Variants in KRABD4 observed in about 807,000 individuals in gnomAD.
KRABD4 encodes KRAB domain containing 4.
the KRABD4 span, among the ~76,000 whole-genome samples, chrX:46,447,945 A>G: frequency 9.0e-6 from 1 of 111,368 alleles, no homozygotes; most frequent in South Asian, 3.8e-4. Flanking sequence ...GGGCTCATGG[A>G]AGGAAGGCAC....
At chrX:46,467,282 G>A in the KRABD4 span, among the ~76,000 whole-genome samples, 1 of 111,932 alleles carries the variant, frequency 8.9e-6, no homozygotes, top group Non-Finnish European at 1.9e-5. Flanking sequence ...GCCGGGTGTG[G>A]TGCCTCACGC....
chrX:46,452,955 C>A, the KRABD4 span, among the ~76,000 whole-genome samples: 1 of 111,666 alleles, frequency 9.0e-6, no homozygotes. Flanking sequence ...CATTTTTAAC[C>A]ACCATTTGTA....
chrX:46,471,373 CAG>C, the KRABD4 span, among the ~76,000 whole-genome samples: 1 of 111,119 alleles, frequency 9.0e-6, no homozygotes, highest in Non-Finnish European at 1.9e-5. Flanking sequence ...CATCTCTCTA[CAG>C]AGAGTTTCCT....
the KRABD4 span, among the ~76,000 whole-genome samples, chrX:46,460,526 C>G: frequency 1.8e-5 from 2 of 108,719 alleles, no homozygotes; most frequent in African/African-American, 6.8e-5. Flanking sequence ...GTCCACGGAC[C>G]TTTCATGCCC....
chrX:46,473,625 C>CCTG, the KRABD4 span: 2 of 348,222 alleles, frequency 5.7e-6, no homozygotes, highest in Non-Finnish European at 9.8e-6. Flanking sequence ...CTGTCCTGCT[C>CCTG]TTTCCTGCTC....
chrX:46,467,080 T>TA, the KRABD4 span, among the ~76,000 whole-genome samples: 150 of 112,471 alleles, frequency 1.3e-3, no homozygotes, highest in Middle Eastern at 9.2e-3. Flanking sequence ...TGTTCCAGTT[T>TA]ATCTGTCGAT....
At chrX:46,473,619 C>T in the KRABD4 span, 1 of 358,143 alleles carries the variant, frequency 2.8e-6, no homozygotes, top group Non-Finnish European at 4.7e-6. Flanking sequence ...TTTGCACTGT[C>T]CTGCTCTTTC....
At chrX:46,463,465 G>T in the KRABD4 span, 1 of 524,848 alleles carries the variant, frequency 1.9e-6, no homozygotes, top group Non-Finnish European at 3.4e-6. Context: ...CTGCCTGGCC[G>T]CCGGTTACAG....
chrX:46,461,066 C>A, the KRABD4 span, among the ~76,000 whole-genome samples: 1 of 104,003 alleles, frequency 9.6e-6, no homozygotes, highest in Non-Finnish European at 2.0e-5. Flanking sequence ...GGAGACAGGA[C>A]AAAAACCAAA....
chrX:46,464,025 C>T, the KRABD4 span, among the ~76,000 whole-genome samples: 1 of 92,384 alleles, frequency 1.1e-5, no homozygotes, highest in Admixed American at 1.3e-4. Context: ...CTACTCAACT[C>T]TTGTTTTTGT....
the KRABD4 span, chrX:46,472,854 G>A: frequency 5.4e-5 from 65 of 1,209,860 alleles, no homozygotes; most frequent in Non-Finnish European, 7.1e-5. Flanking sequence ...GGATGAAAGC[G>A]GTCAAGAATC....
chrX:46,463,303 G>C, the KRABD4 span: 3 of 1,209,133 alleles, frequency 2.5e-6, no homozygotes, highest in Admixed American at 4.4e-5. Context: ...GGTGAGGACA[G>C]GCCAGGTGAG....
chrX:46,472,890 C>A, the KRABD4 span: 1 of 1,211,792 alleles, frequency 8.3e-7, no homozygotes, highest in East Asian at 3.0e-5. Flanking sequence ...AAGCATTTAT[C>A]TGAGCACAGA....
the KRABD4 span, chrX:46,462,540 G>A: frequency 1.8e-6 from 1 of 549,080 alleles, no homozygotes; most frequent in Non-Finnish European, 2.9e-6. Context: ...AGGCCATTGT[G>A]GGTGTGGGAA....
chrX:46,447,970 A>T, the KRABD4 span, among the ~76,000 whole-genome samples: 1 of 111,529 alleles, frequency 9.0e-6, no homozygotes. Flanking sequence ...TTCTTCAGTG[A>T]ATAAAAGTGG....
At chrX:46,474,133 A>G in the KRABD4 span, 1 of 112,216 alleles carries the variant, frequency 8.9e-6, no homozygotes, top group African/African-American at 3.2e-5. Flanking sequence ...TGCATACACC[A>G]AAAATAAGTT....
At chrX:46,448,776 A>G in the KRABD4 span, 1 of 112,763 alleles carries the variant, frequency 8.9e-6, no homozygotes, top group South Asian at 3.6e-4. Context: ...CTCCTAGCAC[A>G]CCTATTTGTG....
At chrX:46,473,654 TC>T in the KRABD4 span, 3 of 165,225 alleles carry the variant, frequency 1.8e-5, no homozygotes, top group Non-Finnish European at 1.9e-5. Context: ...AATCAGTGAA[TC>T]TTTTTTTTTT....
the KRABD4 span, chrX:46,462,681 C>G: frequency 3.6e-5 from 44 of 1,207,193 alleles, no homozygotes; most frequent in Non-Finnish European, 4.8e-5. Context: ...CCTCCGTGTG[C>G]GTGAGATGCC....
Sources: allele counts gnomAD v4.1 joint callset (sites outside exome capture counted in the v4.1 genomes callset), GRCh38; gene constraint gnomAD v4.1.1; transcripts MANE v1.5; gene names NCBI Gene and HGNC (gene_info 2026-07-23, HGNC 2026-07-21).